Variants in ANKRD11 observed in about 807,000 individuals in gnomAD.
ANKRD11 encodes ankyrin repeat domain 11.
Under a neutral mutation model 195.7 loss-of-function variants are expected in ANKRD11, and 17 were observed. The ratio of observed to expected loss-of-function variants is 0.09; its 90% CI spans 0.06 to 0.13. The LOEUF (loss-of-function observed/expected upper bound fraction) is 0.13. Ranked by LOEUF, ANKRD11 falls within the 10% of genes least tolerant of loss-of-function variation. The probability of loss-of-function intolerance (pLI) is 1.00; values close to 1 mark genes in which losing one functional copy is unlikely to be tolerated. For synonymous variants in ANKRD11, 1,953 were observed against 1,528.1 expected (o/e 1.28, Z -6.49); for missense variants, 3,735 against 3,566.1 (o/e 1.05, Z -1.21).
At chr16:89,289,198 T>C (rs1260750641) in intron 6 of ANKRD11, among the ~76,000 whole-genome samples, 1 of 152,068 alleles carries the variant, frequency 6.6e-6, no homozygotes, top group Admixed American at 6.5e-5. Flanking sequence ...CATCGGACGG[T>C]GTGGCCGCAC....
chr16:89,444,922 C>T (rs1005546241), intron 1 of ANKRD11, among the ~76,000 whole-genome samples: 1 of 152,236 alleles, frequency 6.6e-6, no homozygotes, highest in Non-Finnish European at 1.5e-5. Flanking sequence ...AAGAGAGAGG[C>T]AGAGACCTCA....
At chr16:89,387,590 G>C (rs549375891) in intron 2 of ANKRD11, among the ~76,000 whole-genome samples, 1 of 150,340 alleles carries the variant, frequency 6.7e-6, no homozygotes, top group Non-Finnish European at 1.5e-5. Flanking sequence ...GGAGAATGGC[G>C]GGAACCCGGG....
intron 1 of ANKRD11, among the ~76,000 whole-genome samples, chr16:89,488,567 T>G (rs1275591161): frequency 6.6e-6 from 1 of 152,028 alleles, no homozygotes; most frequent in Non-Finnish European, 1.5e-5. Flanking sequence ...AATCAAGGTC[T>G]CAGAGAAACC....
chr16:89,301,883 A>C (rs1340274537), intron 4 of ANKRD11, among the ~76,000 whole-genome samples: 2 of 152,156 alleles, frequency 1.3e-5, no homozygotes, highest in African/African-American at 4.8e-5. Flanking sequence ...GGAGGCGGGA[A>C]GCCATCCCCA....
chr16:89,348,033 A>G (rs1389978942), intron 2 of ANKRD11, among the ~76,000 whole-genome samples: 1 of 151,914 alleles, frequency 6.6e-6, no homozygotes, highest in Non-Finnish European at 1.5e-5. Context: ...TCCTGGGCTC[A>G]ATGGATCTTC....
rs146303178 is a variant in ANKRD11 at position 89,281,242 on chromosome 16, G to A, written c.5300C>T (p.Ala1767Val). The change falls in exon 9 of 13, where the codon GCT becomes GTT. Residue 1767 changes from alanine to valine, a missense_variant. Coordinates refer to ENST00000301030, the MANE Select transcript of ANKRD11 (RefSeq NM_013275.6). The surrounding 1 kb of genome is among the most constrained non-coding windows in gnomAD (Gnocchi z 5.5). ...GGCGTTTTCCGAAAGCCCACTTGAA[G>A]CCACGGAGAACCTGTCGAAAAAGGA... The part of the protein sequence containing the change: ...SPSFFDRFSV[A>V]SSGLSENASQ... 27 of 1,614,250 alleles carry A rather than the reference G, an allele frequency of 1.7e-5. No individual in the cohort carries two copies. In the African/African-American group the frequency reaches 2.0e-4, roughly 12 times the overall value.
rs2037451311 is a variant in ANKRD11, at chr16:89,323,283, A to G, written c.-59-6205T>C. 2.3e-6 allele frequency: 3 copies of G among 1,288,606 alleles called. No homozygotes were observed. In the Admixed American group the frequency reaches 6.9e-5, roughly 30 times the overall value. 79.8% of individuals were successfully genotyped at this position (1,288,606 alleles called of 1,614,324 possible). A position where few individuals can be genotyped will look rare whatever the true frequency, so the allele number is the denominator to read the frequency against. On this transcript the variant is annotated intron_variant, in intron 2 of 12. Transcript: ENST00000301030. ...CATACCTGGCAGGCCTACTGTGTGC[A>G]AAGCCCTTGAGTGACACACCCTATG...
chr16:89,341,910 G>GCCACGGC, intron 2 of ANKRD11, among the ~76,000 whole-genome samples: 1 of 150,856 alleles, frequency 6.6e-6, no homozygotes, highest in Non-Finnish European at 1.5e-5. Flanking sequence ...ACCCACAGCG[G>GCCACGGC]CCACGGCCCA....
At chr16:89,471,321 T>A (rs971515437) in intron 1 of ANKRD11, among the ~76,000 whole-genome samples, 2 of 152,212 alleles carry the variant, frequency 1.3e-5, no homozygotes, top group African/African-American at 4.8e-5. Flanking sequence ...AAAAGCCTGC[T>A]GCCCCGAAGT....
chr16:89,476,876 C>T (rs1179690217), intron 1 of ANKRD11, among the ~76,000 whole-genome samples: 2 of 152,154 alleles, frequency 1.3e-5, no homozygotes, highest in Admixed American at 1.3e-4. Context: ...TCCCTCTGGG[C>T]AGACTCATCT....
chr16:89,380,596 TG>T (rs1281826581), intron 2 of ANKRD11, among the ~76,000 whole-genome samples: 1 of 152,202 alleles, frequency 6.6e-6, no homozygotes, highest in Non-Finnish European at 1.5e-5. Context: ...AAGCATTTTT[TG>T]TGTAATGCCA....
At chr16:89,421,715 T>C (rs2930218) in intron 1 of ANKRD11, among the ~76,000 whole-genome samples, 9 of 83,756 alleles carry the variant, frequency 1.1e-4, no homozygotes, top group East Asian at 3.4e-4. Context: ...CGTCTGGGGG[T>C]GGGGGTGAGA....
chr16:89,303,254 A>G (rs961482387), intron 4 of ANKRD11, among the ~76,000 whole-genome samples: 1 of 152,252 alleles, frequency 6.6e-6, no homozygotes, highest in Non-Finnish European at 1.5e-5. Context: ...GCCACTGTGC[A>G]AAGAGCTAAC....
At chr16:89,385,074 C>T (rs926564971) in intron 2 of ANKRD11, among the ~76,000 whole-genome samples, 6 of 151,550 alleles carry the variant, frequency 4.0e-5, no homozygotes, top group Non-Finnish European at 5.9e-5. Context: ...TTAGTAGAGA[C>T]GATATTTCAC....
rs759215210 is a variant in ANKRD11 at position 89,290,599 on chromosome 16, GCCCTTGCCAGGCA to G, written c.601+13_601+25del. ...CTCAGGGCTCCAGTGGGGCTCTCTGGCCCTTGCCAGGCACAGGGTGCCCACCTGCGAAGTCCTT... is the reference window on the plus strand; with the variant it reads ...CTCAGGGCTCCAGTGGGGCTCTCTGGCAGGGTGCCCACCTGCGAAGTCCTT... On this transcript the variant is annotated intron_variant, in intron 6 of 12. Transcript: ENST00000301030. 6.2e-7 allele frequency: 1 copy of G among 1,607,866 alleles called. No individual in the cohort carries two copies. Among genetic ancestry groups the G allele is most frequent in the Non-Finnish European group, 8.5e-7 (1 of 1,179,098 alleles).
At chr16:89,361,938 G>A (rs1414615120) in intron 2 of ANKRD11, among the ~76,000 whole-genome samples, 2 of 152,218 alleles carry the variant, frequency 1.3e-5, no homozygotes, top group Admixed American at 1.3e-4. Context: ...GGTATGAGCT[G>A]GCACAGCCTT....
chr16:89,406,907 G>A (rs1317938774), intron 2 of ANKRD11, among the ~76,000 whole-genome samples: 1 of 152,214 alleles, frequency 6.6e-6, no homozygotes, highest in Non-Finnish European at 1.5e-5. Context: ...GGCCGGACGT[G>A]GTGGCTCACG....
At chr16:89,475,878 T>A (rs1422271615) in intron 1 of ANKRD11, among the ~76,000 whole-genome samples, 1 of 151,852 alleles carries the variant, frequency 6.6e-6, no homozygotes, top group Non-Finnish European at 1.5e-5. Context: ...GGTGAAACCC[T>A]GTCTCTACTA....
intron 1 of ANKRD11, among the ~76,000 whole-genome samples, chr16:89,473,116 G>A (rs1004568293): frequency 2.0e-5 from 3 of 151,856 alleles, no homozygotes; most frequent in Non-Finnish European, 4.4e-5. Flanking sequence ...GGAGGTCAAG[G>A]CTGCAATAAG....
Sources: gnomAD v4.1 joint callset for allele counts (sites outside exome capture counted in the v4.1 genomes callset) on GRCh38, gnomAD v4.1.1 for gene constraint, Gnocchi (gnomAD v3.1) non-coding constraint, MANE v1.5 for transcripts, NCBI Gene and HGNC (gene_info 2026-07-23, HGNC 2026-07-21) for gene names.